Variants in SEM1 observed in about 807,000 individuals in gnomAD.
SEM1 encodes the protein 26S proteasome complex subunit SEM1.
A neutral mutation model predicts 12.7 loss-of-function variants in SEM1; 3 were observed. The observed-to-expected ratio is 0.24, with a 90% CI of 0.11 to 0.61. The LOEUF (loss-of-function observed/expected upper bound fraction) is 0.61, where lower values mean the gene tolerates loss of function less well. Among genes scored for constraint, SEM1 ranks in the 20% least tolerant of loss-of-function variants. The pLI is 0.88. For missense variants in SEM1, 59 were observed against 81.3 expected, an observed-to-expected ratio of 0.73 and a Z score of 1.06; for synonymous variants, 30 against 27.8, an observed-to-expected ratio of 1.08 and a Z score of -0.25.
intron 2 of SEM1, among the ~76,000 whole-genome samples, chr7:96,651,094 G>A (rs146903776): frequency 5.3e-5 from 8 of 152,292 alleles, no homozygotes; most frequent in African/African-American, 1.4e-4. Flanking sequence ...TGAACTGCAC[G>A]TGGGTGGCAA....
At chr7:96,512,066 A>G (rs80267242) in intron 2 of SEM1, among the ~76,000 whole-genome samples, 1,916 of 152,182 alleles carry the variant, frequency 0.013, 45 homozygotes, top group African/African-American at 0.044. Context: ...AGTTTTCACA[A>G]CCATTTCATC....
At chr7:96,533,651 T>C (rs7776846) in intron 2 of SEM1, among the ~76,000 whole-genome samples, 91,653 of 151,780 alleles carry the variant, frequency 0.6, 28,520 homozygotes, top group Non-Finnish European at 0.69. Flanking sequence ...CCTCCTTTGG[T>C]GTCCCTACAG....
intron 2 of SEM1, among the ~76,000 whole-genome samples, chr7:96,597,405 C>T (rs895837562): frequency 6.6e-6 from 1 of 151,968 alleles, no homozygotes; most frequent in Non-Finnish European, 1.5e-5. Context: ...TTCCAAATGC[C>T]CTTAAGAAGA....
intron 2 of SEM1, among the ~76,000 whole-genome samples, chr7:96,653,132 C>T (rs575101795): frequency 2.0e-4 from 31 of 152,260 alleles, no homozygotes; most frequent in African/African-American, 7.2e-4. Flanking sequence ...ATCAAAGTCA[C>T]ACAATAGTAA....
At chr7:96,657,448 A>ATT (rs1002063110) in intron 2 of SEM1, among the ~76,000 whole-genome samples, 30 of 152,286 alleles carry the variant, frequency 2.0e-4, no homozygotes, top group African/African-American at 7.2e-4. Context: ...GGTTCAGGCT[A>ATT]TTTCCATCCT....
At chr7:96,657,896 G>A (rs1189877142) in intron 2 of SEM1, among the ~76,000 whole-genome samples, 2 of 152,152 alleles carry the variant, frequency 1.3e-5, no homozygotes, top group African/African-American at 2.4e-5. Context: ...GAGGCCCGAG[G>A]AGCCACTAGC....
intron 2 of SEM1, among the ~76,000 whole-genome samples, chr7:96,536,986 T>TA (rs1426732297): frequency 6.6e-6 from 1 of 151,836 alleles, no homozygotes; most frequent in East Asian, 1.9e-4. Context: ...TCCTTTGGTT[T>TA]ATTCTCCCTC....
intron 2 of SEM1, chr7:96,637,103 A>T (rs1338232913): frequency 6.6e-6 from 1 of 152,064 alleles, no homozygotes; most frequent in Non-Finnish European, 1.5e-5. Flanking sequence ...CATAGTCCTT[A>T]GGCTAGTGGT....
At chr7:96,512,599 G>A (rs530791146) in intron 2 of SEM1, among the ~76,000 whole-genome samples, 25 of 152,210 alleles carry the variant, frequency 1.6e-4, no homozygotes, top group African/African-American at 5.8e-4. Context: ...AGGGAAACGG[G>A]CTTGAGTAAA....
chr7:96,577,274 A>G (rs1282516977), intron 2 of SEM1, among the ~76,000 whole-genome samples: 1 of 152,158 alleles, frequency 6.6e-6, no homozygotes, highest in East Asian at 1.9e-4. Context: ...GGTGGCCTAG[A>G]GCTTGGGCCT....
intron 2 of SEM1, among the ~76,000 whole-genome samples, chr7:96,659,913 C>CAAAAAAAAA (rs71529826): frequency 1.1e-3 from 72 of 66,646 alleles, no homozygotes; most frequent in African/African-American, 2.2e-3. Context: ...AGTAAGATGG[C>CAAAAAAAAA]AAAAAAAAAA....
At chr7:96,569,268 C>T (rs1015271275) in intron 2 of SEM1, among the ~76,000 whole-genome samples, 2 of 151,886 alleles carry the variant, frequency 1.3e-5, no homozygotes, top group Non-Finnish European at 2.9e-5. Context: ...TGTACTGTTT[C>T]TTCTTGGTAA....
rs187908848 is a variant in SEM1 at position 96,704,304 on chromosome 7, T to A, written c.76+5384A>T. Among the ~76,000 whole-genome samples the A allele has an allele frequency of 2.2e-3, 338 of 152,256 alleles. 3 individuals are homozygous for A. The highest frequency in any genetic ancestry group is 7.8e-3 in the African/African-American group (326 of 41,550). On this transcript the variant is annotated intron_variant, in intron 1 of 2. Transcript: ENST00000248566. Reference sequence around the variant, plus strand: ...TGGTTATCACTGGGACATAAATAACTTTTTTGGGGAATTGTAGAGGGAAAC... The same window carrying A: ...TGGTTATCACTGGGACATAAATAACATTTTTGGGGAATTGTAGAGGGAAAC...
At chr7:96,652,833 T>G (rs1206966496) in intron 2 of SEM1, among the ~76,000 whole-genome samples, 1 of 152,228 alleles carries the variant, frequency 6.6e-6, no homozygotes, top group Non-Finnish European at 1.5e-5. Context: ...GTGAACGGAA[T>G]AAAAATGATC....
intron 2 of SEM1, among the ~76,000 whole-genome samples, chr7:96,509,115 T>A (rs1480240422): frequency 6.6e-6 from 1 of 151,452 alleles, no homozygotes; most frequent in East Asian, 1.9e-4. Flanking sequence ...GCCTCCCAAG[T>A]AGCTGGGATT....
At chr7:96,599,231 C>T (rs1273808612) in intron 2 of SEM1, among the ~76,000 whole-genome samples, 1 of 152,034 alleles carries the variant, frequency 6.6e-6, no homozygotes. Flanking sequence ...AGCTAATGAA[C>T]AAGTATTTTT....
At position 96,694,784 on chromosome 7, in the gene SEM1, G is replaced by C; in HGVS notation, c.170+14C>G. 1 of 1,525,932 alleles carries C rather than the reference G, an allele frequency of 6.6e-7. No individual in the cohort carries two copies. The highest frequency in any genetic ancestry group is 9.1e-7 in the Non-Finnish European group (1 of 1,101,048). The allele number at this position is 1,525,932 out of a possible 1,614,324, so 94.5% of individuals were successfully genotyped here. On this transcript the variant is annotated intron_variant, in intron 2 of 2. Coordinates refer to ENST00000248566, the MANE Select transcript of SEM1 (RefSeq NM_006304.2). Reference sequence around the variant, plus strand: ...TAATACTGAACTACAATAAAAATCTGGCTTAAAACTTACCGTAACTGATTA... The same window carrying C: ...TAATACTGAACTACAATAAAAATCTCGCTTAAAACTTACCGTAACTGATTA...
Position 96,539,724 on chromosome 7 carries a change from C to A in SEM1, c.171-33026G>T, listed in dbSNP as rs1804891365. Among the ~76,000 whole-genome samples, 4 of 151,722 alleles carry A rather than the reference C, an allele frequency of 2.6e-5. 1 individual carries two copies. In the South Asian group the frequency reaches 8.3e-4, roughly 32 times the overall value. On this transcript the variant is annotated intron_variant and NMD_transcript_variant, in intron 2 of 3. Transcript: ENST00000466986. ...CCTCCTGGGGCAAAAACTTTGGATT[C>A]ATTGCTGCAACCTCAGCACTCAGAC... is the stretch of plus-strand genomic sequence containing the variant.
intron 2 of SEM1, among the ~76,000 whole-genome samples, chr7:96,610,319 G>A (rs942996892): frequency 1.3e-5 from 2 of 151,998 alleles, no homozygotes; most frequent in East Asian, 3.9e-4. Flanking sequence ...GGTCAGTCTC[G>A]AACTCCCGAC....
Sources: gnomAD v4.1 joint callset for allele counts (sites outside exome capture counted in the v4.1 genomes callset) on GRCh38, gnomAD v4.1.1 for gene constraint, MANE v1.5 for transcripts, NCBI Gene and HGNC (gene_info 2026-07-23, HGNC 2026-07-21) for gene names.